TMEM117: variants seen among roughly 807,000 people sequenced by gnomAD.
TMEM117 encodes transmembrane protein 117.
In TMEM117, 27 loss-of-function variants were observed where a neutral mutation model predicts 52.4. The ratio of observed to expected loss-of-function variants is 0.51; its 90% CI spans 0.38 to 0.71. TMEM117 has a LOEUF of 0.71. Among genes scored for constraint, TMEM117 ranks in the 30% least tolerant of loss-of-function variants. The pLI is 0.00. For missense variants in TMEM117, 556 were observed against 630.5 expected (o/e 0.88, Z 1.26); for synonymous variants, 215 against 206.3 (o/e 1.04, Z -0.36).
chr12:44,228,759 A>C (rs1949896429), intron 5 of TMEM117, among the ~76,000 whole-genome samples: 1 of 152,138 alleles, frequency 6.6e-6, no homozygotes, highest in Non-Finnish European at 1.5e-5. Context: ...GAATAGAAAA[A>C]AAGGCCAGCA....
chr12:44,261,757 T>G (rs1950323122), intron 5 of TMEM117, among the ~76,000 whole-genome samples: 1 of 152,160 alleles, frequency 6.6e-6, no homozygotes, highest in South Asian at 2.1e-4. Context: ...AGTAGGAATC[T>G]CTGAGAAACC....
intron 3 of TMEM117, among the ~76,000 whole-genome samples, chr12:44,074,992 A>G (rs532312634): frequency 6.6e-6 from 1 of 152,226 alleles, no homozygotes; most frequent in South Asian, 2.1e-4. Flanking sequence ...TTTCTCCTTC[A>G]TGTTTGAGGC....
chr12:44,060,656 A>C (rs1412570768), intron 3 of TMEM117, among the ~76,000 whole-genome samples: 4 of 152,186 alleles, frequency 2.6e-5, no homozygotes, highest in Admixed American at 2.6e-4. Context: ...CAGGTTTCAG[A>C]CACAAGATTT....
At chr12:44,117,912 C>T (rs1021598621) in intron 3 of TMEM117, among the ~76,000 whole-genome samples, 1 of 151,910 alleles carries the variant, frequency 6.6e-6, no homozygotes, top group African/African-American at 2.4e-5. Flanking sequence ...TATGGACTAT[C>T]AATTGTTTTG....
In TMEM117 at chr12:44,382,939, T is replaced by G. The variant is rs138950697; in HGVS notation, c.899-5087T>G. Among the ~76,000 whole-genome samples, 24 of 152,316 alleles carry G rather than the reference T, an allele frequency of 1.6e-4. No homozygotes were observed. The East Asian group carries it at 4.6e-3, about 29-fold the overall frequency. ...AGATGCTAACTCGTGAGCCCTGTTT[T>G]TACTGCTCACATCTGGAATGAGGGG... On this transcript the variant is annotated intron_variant, in intron 7 of 7. Transcript: ENST00000266534.
At chr12:43,853,772 T>C (rs888215072) in intron 2 of TMEM117, among the ~76,000 whole-genome samples, 3 of 152,186 alleles carry the variant, frequency 2.0e-5, no homozygotes, top group Admixed American at 2.0e-4. Context: ...CTGTGAGTGC[T>C]GTGAGAATTT....
chr12:43,989,588 C>T lies in TMEM117; in HGVS notation c.410+45246C>T, dbSNP rs78067428. 1.5e-3 allele frequency among the ~76,000 whole-genome samples: 225 copies of T among 152,134 alleles called. 3 individuals carry two copies. In the East Asian group the frequency reaches 0.036, roughly 24 times the overall value. Reference sequence around the variant, plus strand: ...GAAATTTCAATTGCAAGATTCCAATCAGAGATCGATGACCTCTTTTAATTC... The same window carrying T: ...GAAATTTCAATTGCAAGATTCCAATTAGAGATCGATGACCTCTTTTAATTC... On this transcript the variant is annotated intron_variant, in intron 3 of 7. Transcript: ENST00000266534.
At chr12:44,287,495 C>T (rs1950652435) in intron 5 of TMEM117, among the ~76,000 whole-genome samples, 1 of 152,200 alleles carries the variant, frequency 6.6e-6, no homozygotes, top group South Asian at 2.1e-4. Context: ...TGATGGCCAA[C>T]ATCCATGAGG....
chr12:43,894,484 A>G (rs1350058460), intron 2 of TMEM117, among the ~76,000 whole-genome samples: 1 of 151,916 alleles, frequency 6.6e-6, no homozygotes. Flanking sequence ...TTGGTTGTAC[A>G]GATTATTTCA....
At chr12:43,921,417 A>G (rs1201064388) in intron 2 of TMEM117, among the ~76,000 whole-genome samples, 4 of 152,172 alleles carry the variant, frequency 2.6e-5, no homozygotes, top group African/African-American at 9.7e-5. Context: ...ATAGATCTAG[A>G]TTTAAATCCT....
At chr12:44,164,493 T>C (rs1948938533) in intron 4 of TMEM117, among the ~76,000 whole-genome samples, 1 of 152,198 alleles carries the variant, frequency 6.6e-6, no homozygotes, top group Admixed American at 6.5e-5. Flanking sequence ...TTCACTTAGT[T>C]TAATGGCCTC....
chr12:44,244,584 A>G (rs946698970), intron 5 of TMEM117: 2 of 151,838 alleles, frequency 1.3e-5, no homozygotes, highest in East Asian at 1.9e-4. Context: ...AGTTCTTTAT[A>G]TACTTTAGAC....
chr12:44,053,637 C>T (rs1359618537), intron 3 of TMEM117, among the ~76,000 whole-genome samples: 1 of 152,146 alleles, frequency 6.6e-6, no homozygotes, highest in African/African-American at 2.4e-5. Context: ...CTCCCCACCC[C>T]ACATCCATGA....
chr12:44,098,329 T>C (rs1473778319), intron 3 of TMEM117, among the ~76,000 whole-genome samples: 1 of 152,022 alleles, frequency 6.6e-6, no homozygotes, highest in Non-Finnish European at 1.5e-5. Flanking sequence ...GTGATACTGT[T>C]CTCCACTTTC....
At chr12:44,078,463 T>C (rs996298098) in intron 3 of TMEM117, among the ~76,000 whole-genome samples, 1 of 152,178 alleles carries the variant, frequency 6.6e-6, no homozygotes, top group Admixed American at 6.5e-5. Context: ...ACATAGCTGG[T>C]TCATCCTTGG....
intron 4 of TMEM117, among the ~76,000 whole-genome samples, chr12:44,186,659 TA>T (rs1949282010): frequency 6.6e-6 from 1 of 152,168 alleles, no homozygotes; most frequent in Non-Finnish European, 1.5e-5. Context: ...AACTTTGAGT[TA>T]CCACATGGTA....
intron 4 of TMEM117, among the ~76,000 whole-genome samples, chr12:44,152,553 A>T (rs1203333285): frequency 8.3e-6 from 1 of 120,516 alleles, no homozygotes; most frequent in Non-Finnish European, 1.6e-5. Flanking sequence ...ATTTTTATAT[A>T]TAATATTTAT....
intron 3 of TMEM117, among the ~76,000 whole-genome samples, chr12:43,971,880 TATACTC>T (rs1470821083): frequency 6.6e-6 from 1 of 152,244 alleles, no homozygotes; most frequent in East Asian, 1.9e-4. Flanking sequence ...ACGAAAACCT[TATACTC>T]ATTGATTAGT....
At chr12:44,086,514 C>T (rs902059405) in intron 3 of TMEM117, among the ~76,000 whole-genome samples, 22 of 152,204 alleles carry the variant, frequency 1.4e-4, no homozygotes, top group African/African-American at 5.1e-4. Flanking sequence ...TGTGTGCGGC[C>T]ACAACTCTTG....
Sources: gnomAD v4.1 joint callset for allele counts (sites outside exome capture counted in the v4.1 genomes callset) on GRCh38, gnomAD v4.1.1 for gene constraint, MANE v1.5 for transcripts, NCBI Gene and HGNC (gene_info 2026-07-23, HGNC 2026-07-21) for gene names.